Variants in PRUNE2 observed in about 807,000 individuals in gnomAD.
PRUNE2 encodes protein prune homolog 2.
In PRUNE2, 164 loss-of-function variants were observed where a neutral mutation model predicts 252.0. That is an observed-to-expected ratio of 0.65 (90% CI 0.57 to 0.74). The LOEUF (loss-of-function observed/expected upper bound fraction) is 0.74. PRUNE2 is among the 30% of genes least tolerant of loss of function. PRUNE2 has a pLI of 0.00. For missense variants in PRUNE2, 3,495 were observed against 3,711.0 expected (o/e 0.94, Z 1.51); for synonymous variants, 1,292 against 1,350.2 (o/e 0.96, Z 0.94).
chr9:76,716,809 C>T (rs1489165134), intron 6 of PRUNE2, among the ~76,000 whole-genome samples: 3 of 151,238 alleles, frequency 2.0e-5, no homozygotes, highest in Admixed American at 2.0e-4. Context: ...TCCCTCCCCT[C>T]GCCCCCCAAC....
intron 6 of PRUNE2, among the ~76,000 whole-genome samples, chr9:76,742,014 T>C (rs1419628683): frequency 6.6e-6 from 1 of 152,206 alleles, no homozygotes; most frequent in African/African-American, 2.4e-5. Context: ...GAAGAAAGAA[T>C]GCTAGAATTA....
chr9:76,846,185 C>T (rs1321116313), intron 4 of PRUNE2, among the ~76,000 whole-genome samples: 1 of 152,180 alleles, frequency 6.6e-6, no homozygotes, highest in African/African-American at 2.4e-5. Flanking sequence ...CCCTATCATG[C>T]TGTCTTGGGG....
In PRUNE2 at chr9:76,720,128, T is replaced by C. The variant is rs575910664; in HGVS notation, c.757-6407A>G. Among the ~76,000 whole-genome samples, 5 of 132,780 alleles carry C rather than the reference T, an allele frequency of 3.8e-5. No homozygotes were observed. In the South Asian group the frequency reaches 1.2e-3, roughly 33 times the overall value. 87.1% of individuals were successfully genotyped at this position (132,780 alleles called of 152,430 possible). A position where few individuals can be genotyped will look rare whatever the true frequency, so the allele number is the denominator to read the frequency against. On this transcript the variant is annotated intron_variant, in intron 6 of 18. Coordinates refer to ENST00000376718, the MANE Select transcript of PRUNE2 (RefSeq NM_015225.3). The stretch of plus-strand genomic sequence containing the variant: ...GGATTGTTAAACTGCTATTAAAAGT[T>C]ATGCTATCAAAGAATACTTAATGAC...
At chr9:76,619,554 T>G (rs547327039) in intron 17 of PRUNE2, among the ~76,000 whole-genome samples, 167 bp from the exon 18 acceptor site, 1 of 152,362 alleles carries the variant, frequency 6.6e-6, no homozygotes, top group South Asian at 2.1e-4. Flanking sequence ...CCCTTACCAT[T>G]GGTTTTGAAA....
At chr9:76,878,644 A>T (rs763118462) in intron 1 of PRUNE2, among the ~76,000 whole-genome samples, 4 of 152,202 alleles carry the variant, frequency 2.6e-5, no homozygotes, top group Non-Finnish European at 5.9e-5. Flanking sequence ...CTGCAAGGAC[A>T]AGGTATTCAT....
rs11145037 is a variant in PRUNE2, at chr9:76,745,761, T to C, written c.757-32040A>G. Among the ~76,000 whole-genome samples the C allele has an allele frequency of 9.8e-3, 1,494 of 152,344 alleles. 21 individuals are homozygous for C. Among genetic ancestry groups the C allele is most frequent in the African/African-American group, 0.033 (1,379 of 41,574 alleles). On this transcript the variant is annotated intron_variant, in intron 6 of 18. Coordinates refer to ENST00000376718, the MANE Select transcript of PRUNE2 (RefSeq NM_015225.3). ...TTGTAGTTCCCCTGCTTTGATAAAT[T>C]GGCTCTATCTGGGCAGTGGGCAAAG...
intron 1 of PRUNE2, among the ~76,000 whole-genome samples, chr9:76,856,168 T>C (rs1426211414): frequency 1.3e-5 from 2 of 152,210 alleles, no homozygotes; most frequent in Non-Finnish European, 2.9e-5. Context: ...GAGTCTGTGA[T>C]GGACCAGGGT....
chr9:76,823,801 G>A, intron 5 of PRUNE2, 75 bp from the exon 6 acceptor site: 1 of 857,640 alleles, frequency 1.2e-6, no homozygotes, highest in Non-Finnish European at 1.9e-6. Flanking sequence ...GCGATGTTTT[G>A]AAGAATTTAC....
At chr9:76,800,229 T>C (rs904133659) in intron 6 of PRUNE2, among the ~76,000 whole-genome samples, 2 of 148,412 alleles carry the variant, frequency 1.3e-5, no homozygotes, top group Admixed American at 6.7e-5. Context: ...GGCCCCCGTG[T>C]GTGATGTTCC....
intron 6 of PRUNE2, among the ~76,000 whole-genome samples, chr9:76,744,885 C>T (rs2049968742): frequency 6.6e-6 from 1 of 152,192 alleles, no homozygotes; most frequent in Non-Finnish European, 1.5e-5. Flanking sequence ...CCACTCTATG[C>T]CTCGATGAAC....
intron 9 of PRUNE2, among the ~76,000 whole-genome samples, chr9:76,658,607 T>C (rs1368054603): frequency 6.6e-6 from 1 of 152,228 alleles, no homozygotes; most frequent in African/African-American, 2.4e-5. Context: ...ATCTGTTAGG[T>C]AACAAACCAG....
intron 1 of PRUNE2, among the ~76,000 whole-genome samples, chr9:76,896,879 C>T (rs2062854515): frequency 6.6e-6 from 1 of 152,210 alleles, no homozygotes; most frequent in African/African-American, 2.4e-5. Context: ...CATTTAAACT[C>T]TTTTAAAAAT....
intron 6 of PRUNE2, among the ~76,000 whole-genome samples, chr9:76,768,392 C>G (rs2052670122): frequency 6.6e-6 from 1 of 151,978 alleles, no homozygotes; most frequent in Admixed American, 6.6e-5. Context: ...GGGGGTTCAC[C>G]ATGTTGGCCA....
chr9:76,651,693 A>G (rs532929107), intron 11 of PRUNE2, among the ~76,000 whole-genome samples: 12 of 152,330 alleles, frequency 7.9e-5, no homozygotes, highest in African/African-American at 2.2e-4. Flanking sequence ...ACTGAAGTTC[A>G]TATCAGGAGT....
chr9:76,637,584 C>T lies in PRUNE2; in HGVS notation c.8832-35G>A, dbSNP rs77644317. 909 of 1,592,110 alleles carry T rather than the reference C, an allele frequency of 5.7e-4. 6 individuals are homozygous for T. In the East Asian group the frequency reaches 0.02, roughly 34 times the overall value. ...GGAAGGAAGAGGAATGTTTTCAGTT[C>T]CCACATCCTATTGACACCATAATTA... On this transcript the variant is annotated intron_variant, in intron 13 of 18. Transcript: ENST00000376718.
chr9:76,653,387 C>G (rs537660831), intron 10 of PRUNE2, among the ~76,000 whole-genome samples: 1 of 152,270 alleles, frequency 6.6e-6, no homozygotes, highest in Non-Finnish European at 1.5e-5. Context: ...CCATGCACAT[C>G]CTTCTGTATA....
chr9:76,767,708 AT>A (rs1358856005), intron 6 of PRUNE2, among the ~76,000 whole-genome samples: 2 of 152,128 alleles, frequency 1.3e-5, no homozygotes, highest in African/African-American at 2.4e-5. Flanking sequence ...TTTAATACAT[AT>A]CGTGCATCTC....
Position 76,854,170 on chromosome 9 carries a change from A to G in PRUNE2, c.75T>C (p.Ile25=). The G allele has an allele frequency of 1.2e-6, 2 of 1,605,706 alleles. No individual in the cohort carries two copies. The highest frequency in any genetic ancestry group is 1.7e-6 in the Non-Finnish European group (2 of 1,174,480). Residue 25 remains isoleucine, a synonymous_variant, in exon 2 of 19, where the codon ATT becomes ATC. Coordinates refer to ENST00000376718, the MANE Select transcript of PRUNE2 (RefSeq NM_015225.3). ...AATCCAAGTCACACGATTTAGGCCCAATAACCACATGGACCTTCTCCAAGC... is the reference window on the plus strand; with the variant it reads ...AATCCAAGTCACACGATTTAGGCCCGATAACCACATGGACCTTCTCCAAGC... ...SKRLEKVHVV[I]GPKSCDLDSL...
chr9:76,620,645 T>C (rs1306982173), intron 17 of PRUNE2, among the ~76,000 whole-genome samples: 1 of 152,148 alleles, frequency 6.6e-6, no homozygotes, highest in African/African-American at 2.4e-5. Context: ...GCAACCTTCC[T>C]TTCTCACTCC....
Sources: gnomAD v4.1 joint callset for allele counts (sites outside exome capture counted in the v4.1 genomes callset) on GRCh38, gnomAD v4.1.1 for gene constraint, MANE v1.5 for transcripts, NCBI Gene and HGNC (gene_info 2026-07-23, HGNC 2026-07-21) for gene names.